The following TYRP1 variants were observed in gnomAD, a reference collection of about 807,000 sequenced individuals.
The protein encoded by TYRP1 is 5,6-dihydroxyindole-2-carboxylic acid oxidase.
Under a neutral mutation model 42.8 loss-of-function variants are expected in TYRP1, and 49 were observed. The ratio of observed to expected loss-of-function variants is 1.14; its 90% CI spans 0.91 to 1.45. TYRP1 has a LOEUF of 1.45. Ranked by LOEUF, TYRP1 falls within the 40% of genes most tolerant of loss-of-function variation. The pLI is 0.00. For missense variants in TYRP1, 848 were observed against 662.0 expected (o/e 1.28, Z -3.08); for synonymous variants, 279 against 235.4 (o/e 1.19, Z -1.69).
rs751750730 is a variant in TYRP1 at position 12,694,333 on chromosome 9, T to C, written c.337T>C (p.Cys113Arg). 1 of 1,614,086 alleles carries C rather than the reference T, an allele frequency of 6.2e-7. No homozygotes were observed. The highest frequency in any genetic ancestry group is 8.5e-7 in the Non-Finnish European group (1 of 1,180,008). Reference protein sequence around the residue: ...GNFSGHNCGTCRPGWRGAACD... With the variant: ...GNFSGHNCGTRRPGWRGAACD... Reference sequence around the variant, plus strand: ...TTTCTCAGGACACAACTGTGGGACGTGCCGTCCTGGCTGGAGAGGAGCTGC... The same window carrying C: ...TTTCTCAGGACACAACTGTGGGACGCGCCGTCCTGGCTGGAGAGGAGCTGC... The change falls in exon 2 of 8, where the codon TGC becomes CGC. Residue 113 changes from cysteine (C) to arginine (R), a missense_variant. Cys to Arg is a radical substitution (Grantham distance 180, BLOSUM62 -3). Coordinates refer to ENST00000388918, the MANE Select transcript of TYRP1 (RefSeq NM_000550.3).
In TYRP1 at chr9:12,693,945, A is replaced by T; in HGVS notation, c.-52A>T. 1 of 1,610,524 alleles carries T rather than the reference A, an allele frequency of 6.2e-7. No individual in the cohort carries two copies. The highest frequency in any genetic ancestry group is 8.5e-7 in the Non-Finnish European group (1 of 1,179,362). On this transcript the variant is annotated 5_prime_UTR_variant, in exon 2 of 8. Coordinates refer to ENST00000388918, the MANE Select transcript of TYRP1 (RefSeq NM_000550.3). ...TCCTCTACGTGCTTCAGTCTTCTCT[A>T]CACAAAGAGCTGCAAACCAGGTCTT...
rs1426743803 is a variant in TYRP1, at chr9:12,694,393, T to C, written c.385+12T>C. 2 of 1,613,688 alleles carry C rather than the reference T, an allele frequency of 1.2e-6. No homozygotes were observed. Among genetic ancestry groups the C allele is most frequent in the Admixed American group, 1.7e-5 (1 of 59,970 alleles). On this transcript the variant is annotated intron_variant, in intron 2 of 7. Coordinates refer to ENST00000388918, the MANE Select transcript of TYRP1 (RefSeq NM_000550.3). ...GAGGGTTCTCATAGGTAAGTGGAGA[T>C]ATGAATGAGTTCATAAGTCCTGCAT...
At chr9:12,703,870 A>AAT (rs764992716) in intron 5 of TYRP1, among the ~76,000 whole-genome samples, 88 of 117,844 alleles carry the variant, frequency 7.5e-4, no homozygotes, top group East Asian at 2.3e-3. Context: ...TTATATATGG[A>AAT]ATATATATAT....
rs1563858589 is a variant in TYRP1 at position 12,709,039 on chromosome 9, G to C, written c.1471G>C (p.Ala491Pro). 6.2e-7 allele frequency: 1 copy of C among 1,612,764 alleles called. No homozygotes were observed. Among genetic ancestry groups the C allele is most frequent in the South Asian group, 1.1e-5 (1 of 91,046 alleles). The change falls in exon 8 of 8, where the codon GCA (alanine) becomes CCA (proline). Residue 491 changes from alanine (A) to proline (P), a missense_variant. By Grantham distance (27) the Ala-to-Pro change is conservative (BLOSUM62 -1). Coordinates refer to ENST00000388918, the MANE Select transcript of TYRP1 (RefSeq NM_000550.3). ...IAVVGALLLVALIFGTASYLI... is the reference protein window; with the variant it reads ...IAVVGALLLVPLIFGTASYLI... ...AGTAGTTGGCGCTTTGTTACTGGTT[G>C]CACTCATTTTTGGGACTGCTTCTTA...
chr9:12,696,918 C>T (rs969230580), intron 3 of TYRP1, among the ~76,000 whole-genome samples: 1 of 152,004 alleles, frequency 6.6e-6, no homozygotes, highest in Non-Finnish European at 1.5e-5. Context: ...TATTAATTTG[C>T]AGAATGCTGT....
chr9:12,699,415 C>T (rs1280252604), intron 4 of TYRP1, among the ~76,000 whole-genome samples: 1 of 151,984 alleles, frequency 6.6e-6, no homozygotes, highest in Non-Finnish European at 1.5e-5. Context: ...TATTTTTCTT[C>T]TTCAGGCATG....
rs1460672376 is a variant in TYRP1, at chr9:12,710,041, T to A, written c.*859T>A. ...GCTTAATTTAAATAGCATTATCTTA[T>A]CATTTATCAGCCTTTTATGTATTTT... On this transcript the variant is annotated 3_prime_UTR_variant, in exon 8 of 8. Coordinates refer to ENST00000388918, the MANE Select transcript of TYRP1 (RefSeq NM_000550.3). The A allele has an allele frequency of 6.6e-6, 1 of 151,852 alleles. No homozygotes were observed. The highest frequency in any genetic ancestry group is 1.5e-5 in the Non-Finnish European group (1 of 67,846). 9.4% of individuals were successfully genotyped at this position (151,852 alleles called of 1,614,324 possible). A position where few individuals can be genotyped will look rare whatever the true frequency, so the allele number is the denominator to read the frequency against.
At chr9:12,703,250 C>G (rs1818202118) in intron 5 of TYRP1, among the ~76,000 whole-genome samples, 1 of 151,724 alleles carries the variant, frequency 6.6e-6, no homozygotes, top group African/African-American at 2.4e-5. Context: ...TCCCATCTCC[C>G]CAAAAAATGC....
At chr9:12,693,688 A>C (rs1438931563) in intron 1 of TYRP1, among the ~76,000 whole-genome samples, 1 of 151,360 alleles carries the variant, frequency 6.6e-6, no homozygotes, top group African/African-American at 2.4e-5. Flanking sequence ...TATATAAACA[A>C]AATGACGAGG....
Position 12,702,372 on chromosome 9 carries a change from G to A in TYRP1, c.1015G>A (p.Val339Ile). ...ACAGGATGTCGCTCAGTGCTTGGAAGTTGGTTTATTTGACACGCCTCCTTT... is the reference window on the plus strand; with the variant it reads ...ACAGGATGTCGCTCAGTGCTTGGAAATTGGTTTATTTGACACGCCTCCTTT... ...EPQDVAQCLE[V>I]GLFDTPPFYS... Residue 339 changes from valine to isoleucine, a missense_variant, in exon 5 of 8, where the codon GTT becomes ATT. Val to Ile is a conservative substitution (Grantham distance 29). Transcript: ENST00000388918. The A allele has an allele frequency of 6.2e-7, 1 of 1,613,162 alleles. No individual in the cohort carries two copies. Among genetic ancestry groups the A allele is most frequent in the Non-Finnish European group, 8.5e-7 (1 of 1,179,486 alleles).
In TYRP1 at chr9:12,695,709, TACTC is replaced by T. The variant is rs1818068588; in HGVS notation, c.582_585del (p.Tyr194Ter). 6.2e-7 allele frequency: 1 copy of T among 1,614,172 alleles called. No individual in the cohort carries two copies. Among genetic ancestry groups the T allele is most frequent in the African/African-American group, 1.3e-5 (1 of 75,038 alleles). ...TAACTACTTTGTTTGGACACACTAT[TACTC>T]AGTCAAAAAGACTTTCCTTGGGGTA... On this transcript the variant is annotated frameshift_variant, in exon 3 of 8. Coordinates refer to ENST00000388918, the MANE Select transcript of TYRP1 (RefSeq NM_000550.3). LOFTEE classifies it high-confidence loss of function.
chr9:12,705,988 T>C (rs1183000794), intron 6 of TYRP1, among the ~76,000 whole-genome samples: 2 of 152,048 alleles, frequency 1.3e-5, no homozygotes, highest in Non-Finnish European at 2.9e-5. Flanking sequence ...TGAAATACAA[T>C]ATGAGGGCAA....
chr9:12,693,817 A>G, intron 1 of TYRP1, 95 bp from the exon 2 acceptor site: 2 of 692,022 alleles, frequency 2.9e-6, no homozygotes, highest in Admixed American at 2.8e-5. Context: ...CATTTTACAT[A>G]TGGGTTCCAT....
intron 3 of TYRP1, among the ~76,000 whole-genome samples, chr9:12,697,434 C>T (rs1586842017): frequency 6.6e-6 from 1 of 152,186 alleles, no homozygotes; most frequent in Non-Finnish European, 1.5e-5. Flanking sequence ...ACAATGATGG[C>T]TTCTAAAGGA....
Position 12,709,309 on chromosome 9 carries a change from A to G in TYRP1, c.*127A>G, listed in dbSNP as rs1035854277. 2 of 972,138 alleles carry G rather than the reference A, an allele frequency of 2.1e-6. No homozygotes were observed. Among genetic ancestry groups the G allele is most frequent in the Admixed American group, 1.9e-5 (1 of 51,960 alleles). The allele number at this position is 972,138 out of a possible 1,614,324, so 60.2% of individuals were successfully genotyped here. On this transcript the variant is annotated 3_prime_UTR_variant, in exon 8 of 8. Transcript: ENST00000388918. ...TCTAATACAAGCATATGTTAGCATT[A>G]AAGTTCTAGGCATACTTTTCAAAGC...
In TYRP1 at chr9:12,709,545, A is replaced by AAAT; in HGVS notation, c.*365_*367dup. 4.5e-6 allele frequency: 1 copy of AAAT among 223,794 alleles called. No homozygotes were observed. Among genetic ancestry groups the AAAT allele is most frequent in the South Asian group, 7.5e-5 (1 of 13,286 alleles). The allele number at this position is 223,794 out of a possible 1,614,324, so 13.9% of individuals were successfully genotyped here. ...ATGTTTGATAGTAAATGTCCACTTA[A>AAAT]AATACATGAATGGGCATTTCTAAAA... On this transcript the variant is annotated 3_prime_UTR_variant, in exon 8 of 8. Coordinates refer to ENST00000388918, the MANE Select transcript of TYRP1 (RefSeq NM_000550.3).
At chr9:12,694,492 C>G (rs1818045532) in intron 2 of TYRP1, 111 bp downstream of exon 2, 3 of 1,354,932 alleles carry the variant, frequency 2.2e-6, no homozygotes, top group Non-Finnish European at 3.1e-6. Flanking sequence ...TAGCTCAACC[C>G]TCTCTTTTCA....
intron 6 of TYRP1, among the ~76,000 whole-genome samples, chr9:12,707,101 T>A (rs1818270684): frequency 1.3e-5 from 2 of 151,986 alleles, no homozygotes. Flanking sequence ...ATATACACAT[T>A]CAATTCAATT....
chr9:12,696,815 T>C (rs996790305), intron 3 of TYRP1, among the ~76,000 whole-genome samples: 6 of 152,184 alleles, frequency 3.9e-5, no homozygotes, highest in Non-Finnish European at 7.3e-5. Flanking sequence ...CTGTTTTCTA[T>C]GTGAAATAAC....
Sources: allele counts gnomAD v4.1 joint callset (sites outside exome capture counted in the v4.1 genomes callset), GRCh38; gene constraint gnomAD v4.1.1; transcripts MANE v1.5; gene names NCBI Gene and HGNC (gene_info 2026-07-23, HGNC 2026-07-21).